ABCB1: variants seen among roughly 807,000 people sequenced by gnomAD.
ABCB1 encodes ATP binding cassette subfamily B member 1, also known as ATP-dependent translocase ABCB1.
Under a neutral mutation model 142.0 loss-of-function variants are expected in ABCB1, and 69 were observed. The ratio of observed to expected loss-of-function variants is 0.49; its 90% confidence interval spans 0.40 to 0.59. The LOEUF is 0.59. ABCB1 is among the 20% of genes least tolerant of loss of function. The pLI, the probability that ABCB1 is intolerant of heterozygous loss-of-function variation, is 0.00. For missense variants in ABCB1, 1,326 were observed against 1,554.7 expected (o/e 0.85, Z 2.47); for synonymous variants, 532 against 539.2 (o/e 0.99, Z 0.18).
chr7:87,636,465 G>A (rs1382105802), intron 1 of ABCB1, among the ~76,000 whole-genome samples: 2 of 152,042 alleles, frequency 1.3e-5, no homozygotes, highest in Non-Finnish European at 2.9e-5. Flanking sequence ...CATTCTGTAT[G>A]GGAATCTTTT....
Position 87,531,340 on chromosome 7 carries a change from GACA to G in ABCB1, c.2636_2638del (p.Leu879del), listed in dbSNP as rs1292437074. 1 of 1,613,396 alleles carries G rather than the reference GACA, an allele frequency of 6.2e-7. No homozygotes were observed. The highest frequency in any genetic ancestry group is 8.5e-7 in the Non-Finnish European group (1 of 1,179,664). ...TTTCTTATCTTTCAGTGCTTGTCCA[GACA>G]ACATTTTCATTTCAACAACTCCTGC... On this transcript the variant is annotated inframe_deletion, in exon 21 of 28. Transcript: ENST00000622132.
At chr7:87,541,061 G>T (rs1419681457) in intron 18 of ABCB1, among the ~76,000 whole-genome samples, 3 of 152,074 alleles carry the variant, frequency 2.0e-5, no homozygotes, top group African/African-American at 7.2e-5. Flanking sequence ...TACATCCAGG[G>T]CTCCCCCACA....
intron 19 of ABCB1, among the ~76,000 whole-genome samples, chr7:87,538,282 T>A (rs1816382733): frequency 6.6e-6 from 1 of 152,208 alleles, no homozygotes. Flanking sequence ...ATAAATACAG[T>A]TCGACCTGAC....
In ABCB1 at chr7:87,544,223, G is replaced by A; in HGVS notation, c.2117C>T (p.Thr706Ile). 6.2e-7 allele frequency: 1 copy of A among 1,613,726 alleles called. No homozygotes were observed. Among genetic ancestry groups the A allele is most frequent in the Middle Eastern group, 1.7e-4 (1 of 5,948 alleles). Residue 706 changes from threonine to isoleucine, a missense_variant, in exon 17 of 28, where the codon ACT becomes ATT. By Grantham distance (89) the Thr-to-Ile change is moderately conservative. Coordinates refer to ENST00000622132, the MANE Select transcript of ABCB1 (RefSeq NM_001348946.2). Reference protein sequence around the residue: ...SFWRIMKLNLTEWPYFVVGVF... With the variant: ...SFWRIMKLNLIEWPYFVVGVF... ...ACCAACAACAAAATAAGGCCATTCA[G>A]TTAAATTTAGCTTCATAATCCTCCA...
intron 1 of ABCB1, among the ~76,000 whole-genome samples, chr7:87,712,857 T>C (rs1830212139): frequency 1.3e-5 from 2 of 152,140 alleles, no homozygotes; most frequent in Non-Finnish European, 2.9e-5. Context: ...ATACATATAA[T>C]ATTTACACAT....
intron 1 of ABCB1, among the ~76,000 whole-genome samples, chr7:87,628,262 G>A (rs920847516): frequency 5.9e-5 from 9 of 152,306 alleles, no homozygotes; most frequent in Admixed American, 3.9e-4. Context: ...CGTCGGGGCG[G>A]GGCTTGAGCC....
At chr7:87,519,487 A>G in intron 22 of ABCB1, 21 bp from the exon 23 acceptor site, 1 of 1,613,700 alleles carries the variant, frequency 6.2e-7, no homozygotes, top group South Asian at 1.1e-5. Context: ...GACATTTGAA[A>G]ACTCATTCCA....
At position 87,585,536 on chromosome 7, in the gene ABCB1, G is replaced by C; in HGVS notation, c.262C>G (p.Leu88Val). Reference protein sequence around the residue: ...IFANAGNLEDLMSNITNRSDI... With the variant: ...IFANAGNLEDVMSNITNRSDI... ...CTTCTATTAGTGATGTTTGACATCA[G>C]ATCTTCTAAATTTCCTGCATTTGCA... The change falls in exon 4 of 28, where the codon CTG becomes GTG. Residue 88 changes from leucine to valine, a missense_variant. Physicochemically the swap from Leu to Val is conservative, Grantham distance 32 (BLOSUM62 1). Coordinates refer to ENST00000622132, the MANE Select transcript of ABCB1 (RefSeq NM_001348946.2). 6.2e-7 allele frequency: 1 copy of C among 1,613,780 alleles called. No homozygotes were observed. The highest frequency in any genetic ancestry group is 8.5e-7 in the Non-Finnish European group (1 of 1,179,842).
intron 1 of ABCB1, among the ~76,000 whole-genome samples, chr7:87,694,840 C>G (rs936542514): frequency 1.1e-4 from 16 of 152,140 alleles, no homozygotes; most frequent in African/African-American, 2.9e-4. Context: ...ATTCAATATT[C>G]AGATTTTTGC....
At chr7:87,712,446 A>G (rs1830173232) in intron 1 of ABCB1, among the ~76,000 whole-genome samples, 1 of 152,114 alleles carries the variant, frequency 6.6e-6, no homozygotes, top group Non-Finnish European at 1.5e-5. Flanking sequence ...AAAATCCTAC[A>G]TTAATTAAAT....
chr7:87,624,250 C>T (rs945393751), intron 1 of ABCB1, among the ~76,000 whole-genome samples: 3 of 152,068 alleles, frequency 2.0e-5, no homozygotes, highest in African/African-American at 7.2e-5. Flanking sequence ...GCATATTACC[C>T]ATCTGACGTC....
intron 1 of ABCB1, among the ~76,000 whole-genome samples, chr7:87,611,650 C>G (rs1238297432): frequency 2.0e-5 from 3 of 151,736 alleles, no homozygotes; most frequent in African/African-American, 7.3e-5. Context: ...GATTACATGT[C>G]TTTGCTAGAA....
Position 87,516,662 on chromosome 7 carries a change from T to C in ABCB1, c.2931A>G (p.Val977=), listed in dbSNP as rs1815263224. 4 of 1,608,654 alleles carry C rather than the reference T, an allele frequency of 2.5e-6. No individual in the cohort carries two copies. The East Asian group carries it at 6.8e-5, about 28-fold the overall frequency. ...KLMSFEDVLL[V]FSAVVFGAMA... The stretch of plus-strand genomic sequence containing the variant: ...TGGCACCAAAGACAACAGCTGAAAA[T>C]ACTCTGGAAAGCACAAACACAAAAC... Residue 977 remains valine (V), a synonymous_variant, in exon 24 of 28, where the codon GTA becomes GTG. Transcript: ENST00000622132.
intron 3 of ABCB1, among the ~76,000 whole-genome samples, chr7:87,594,497 A>C (rs555296113): frequency 7.0e-4 from 106 of 152,328 alleles, no homozygotes; most frequent in East Asian, 1.3e-3. Flanking sequence ...AAGACTCCTA[A>C]GGTTTAAAAA....
intron 21 of ABCB1, among the ~76,000 whole-genome samples, chr7:87,530,708 A>G (rs570576073): frequency 7.2e-5 from 11 of 151,942 alleles, no homozygotes; most frequent in Non-Finnish European, 1.6e-4. Flanking sequence ...ATTTTTCCAT[A>G]TTTAATCTCC....
intron 2 of ABCB1, among the ~76,000 whole-genome samples, chr7:87,597,191 C>T (rs1374054596): frequency 2.0e-5 from 3 of 151,986 alleles, no homozygotes; most frequent in African/African-American, 4.8e-5. Flanking sequence ...TTCTGAGATA[C>T]TGCATCGCAT....
chr7:87,619,754 G>A (rs1055087263), intron 1 of ABCB1, among the ~76,000 whole-genome samples: 3 of 147,792 alleles, frequency 2.0e-5, no homozygotes, highest in Non-Finnish European at 4.4e-5. Flanking sequence ...ACATGTGTGT[G>A]TGTGTGTGTG....
intron 1 of ABCB1, among the ~76,000 whole-genome samples, chr7:87,696,708 C>G (rs930272366): frequency 6.6e-6 from 1 of 152,004 alleles, no homozygotes; most frequent in African/African-American, 2.4e-5. Context: ...AAGTCATCCT[C>G]ACATCTAATT....
intron 13 of ABCB1, 88 bp from the exon 14 acceptor site, chr7:87,549,606 C>G: frequency 6.4e-7 from 1 of 1,572,266 alleles, no homozygotes; most frequent in Non-Finnish European, 8.7e-7. Context: ...ATACACAGCC[C>G]AAGTCTCACA....
Sources: allele counts gnomAD v4.1 joint callset (sites outside exome capture counted in the v4.1 genomes callset), GRCh38; gene constraint gnomAD v4.1.1; transcripts MANE v1.5; gene names NCBI Gene and HGNC (gene_info 2026-07-23, HGNC 2026-07-21).